NAALADL2: variants seen among roughly 807,000 people sequenced by gnomAD.
NAALADL2 encodes inactive N-acetylated-alpha-linked acidic dipeptidase-like protein 2.
In NAALADL2, 76 loss-of-function variants were observed where a neutral mutation model predicts 87.2. That is an observed-to-expected ratio of 0.87 (90% CI 0.72 to 1.05). The LOEUF (loss-of-function observed/expected upper bound fraction) is 1.05. NAALADL2 is among the 50% of genes least tolerant of loss of function. The pLI is 0.00. For missense variants in NAALADL2, 1,089 were observed against 945.8 expected (o/e 1.15, Z -1.99); for synonymous variants, 354 against 331.0 (o/e 1.07, Z -0.75).
intron 3 of NAALADL2, among the ~76,000 whole-genome samples, chr3:174,760,641 G>A (rs1257515819): frequency 6.6e-6 from 1 of 152,236 alleles, no homozygotes; most frequent in Admixed American, 6.5e-5. Context: ...CCACTGAATG[G>A]CCTCTGCTAG....
At chr3:175,644,299 G>C (rs1729687335) in intron 11 of NAALADL2, among the ~76,000 whole-genome samples, 1 of 151,888 alleles carries the variant, frequency 6.6e-6, no homozygotes, top group African/African-American at 2.4e-5. Context: ...ATGTAATCTA[G>C]TTTGCCAATA....
intron 9 of NAALADL2, among the ~76,000 whole-genome samples, chr3:175,549,850 T>C: frequency 6.6e-6 from 1 of 152,070 alleles, no homozygotes; most frequent in South Asian, 2.1e-4. Flanking sequence ...GCCTGTTAAT[T>C]GAACTGACAA....
intron 4 of NAALADL2, among the ~76,000 whole-genome samples, chr3:175,314,642 G>T: frequency 1.1e-5 from 1 of 89,084 alleles, no homozygotes; most frequent in Non-Finnish European, 2.2e-5. Flanking sequence ...TAAAATTAGC[G>T]TTTTCTAGTA....
intron 11 of NAALADL2, among the ~76,000 whole-genome samples, chr3:175,722,883 G>A (rs554272907): frequency 6.6e-6 from 1 of 152,210 alleles, no homozygotes; most frequent in East Asian, 1.9e-4. Context: ...AGACCAGTGT[G>A]CTAATTTCCT....
In NAALADL2 at chr3:175,155,581, T is replaced by C. The variant is rs574604239; in HGVS notation, c.545+58290T>C. Among the ~76,000 whole-genome samples the C allele has an allele frequency of 6.6e-5, 10 of 152,276 alleles. No homozygotes were observed. The East Asian group carries it at 1.9e-3, about 29-fold the overall frequency. On this transcript the variant is annotated intron_variant, in intron 2 of 13. Coordinates refer to ENST00000454872, the MANE Select transcript of NAALADL2 (RefSeq NM_207015.3). ...GTGAGGTTTTCTTGTCTTTTTTTTCTTATTAATGATCTTTTTCTATTTGCT... is the reference window on the plus strand; with the variant it reads ...GTGAGGTTTTCTTGTCTTTTTTTTCCTATTAATGATCTTTTTCTATTTGCT...
chr3:174,993,094 A>T (rs1746959816), intron 1 of NAALADL2, among the ~76,000 whole-genome samples: 1 of 152,058 alleles, frequency 6.6e-6, no homozygotes, highest in African/African-American at 2.4e-5. Context: ...TAGAAAAATC[A>T]ATATCTGGGG....
chr3:175,535,830 A>G (rs1734739717), intron 9 of NAALADL2, among the ~76,000 whole-genome samples: 1 of 152,218 alleles, frequency 6.6e-6, no homozygotes, highest in Admixed American at 6.5e-5. Context: ...AGGTAGCATG[A>G]TATAATAACT....
intron 2 of NAALADL2, among the ~76,000 whole-genome samples, chr3:175,215,808 T>A (rs940873738): frequency 1.1e-4 from 16 of 152,222 alleles, no homozygotes; most frequent in Admixed American, 1.3e-4. Flanking sequence ...CCTGCTTTTT[T>A]AAATATAATT....
At chr3:174,532,349 T>C (rs1188161012) in intron 1 of NAALADL2, among the ~76,000 whole-genome samples, 1 of 152,002 alleles carries the variant, frequency 6.6e-6, no homozygotes, top group Non-Finnish European at 1.5e-5. Flanking sequence ...CAAACCAAAC[T>C]CAGGCCATGA....
chr3:175,687,083 C>A (rs1164281646), intron 11 of NAALADL2, among the ~76,000 whole-genome samples: 3 of 151,950 alleles, frequency 2.0e-5, no homozygotes, highest in Admixed American at 2.0e-4. Flanking sequence ...TTGCTCTAAG[C>A]CAGAGAAAAA....
rs149158911 is a variant in NAALADL2 at position 175,649,244 on chromosome 3, G to A, written c.1896+21858G>A. 5.9e-5 allele frequency among the ~76,000 whole-genome samples: 9 copies of A among 151,964 alleles called. No homozygotes were observed. The East Asian group carries it at 1.5e-3, about 26-fold the overall frequency. ...TCATTATTCTTTATCATACAGTTTT[G>A]TGAGAGAAAAAAAGATAAAGAAAAC... On this transcript the variant is annotated intron_variant, in intron 11 of 13. Transcript: ENST00000454872.
At chr3:175,751,473 C>T (rs1746620290) in intron 12 of NAALADL2, among the ~76,000 whole-genome samples, 1 of 151,922 alleles carries the variant, frequency 6.6e-6, no homozygotes, top group Admixed American at 6.6e-5. Context: ...TTTGTAGTAA[C>T]TTGTGTTGTT....
At chr3:175,325,509 A>T (rs1418238694) in intron 5 of NAALADL2, among the ~76,000 whole-genome samples, 4 of 152,196 alleles carry the variant, frequency 2.6e-5, no homozygotes, top group Non-Finnish European at 4.4e-5. Context: ...CTCATTTGCA[A>T]ATACACTCAC....
upstream of NAALADL2, among the ~76,000 whole-genome samples, chr3:174,855,726 A>T (rs1434199784): frequency 6.6e-6 from 1 of 150,878 alleles, no homozygotes; most frequent in Non-Finnish European, 1.5e-5. Context: ...CAGGAACTTG[A>T]TGACTACTTT....
At chr3:175,793,491 A>G (rs796712504) in intron 13 of NAALADL2, among the ~76,000 whole-genome samples, 6 of 148,640 alleles carry the variant, frequency 4.0e-5, no homozygotes, top group South Asian at 2.1e-4. Context: ...TTTTTTTTGT[A>G]TATTTAGTAG....
chr3:174,709,117 C>T (rs892086694), intron 2 of NAALADL2, among the ~76,000 whole-genome samples: 1 of 151,992 alleles, frequency 6.6e-6, no homozygotes, highest in Admixed American at 6.6e-5. Flanking sequence ...TAAATATAGT[C>T]TCATTTGCCA....
chr3:175,762,081 C>G (rs1748091558), intron 13 of NAALADL2, among the ~76,000 whole-genome samples: 1 of 151,750 alleles, frequency 6.6e-6, no homozygotes, highest in Admixed American at 6.6e-5. Context: ...CAAAGTCACT[C>G]AGATTTTCTG....
intron 3 of NAALADL2, among the ~76,000 whole-genome samples, chr3:174,823,074 A>G (rs2109338290): frequency 6.6e-6 from 1 of 152,312 alleles, no homozygotes; most frequent in South Asian, 2.1e-4. Context: ...TGCATATAAA[A>G]GATTAAAGCA....
intron 11 of NAALADL2, among the ~76,000 whole-genome samples, chr3:175,689,570 G>T (rs144684305): frequency 1.6e-3 from 242 of 152,218 alleles, no homozygotes; most frequent in African/African-American, 5.5e-3. Flanking sequence ...CTATCACATG[G>T]TTATCTGGTA....
Sources: allele counts gnomAD v4.1 joint callset (sites outside exome capture counted in the v4.1 genomes callset), GRCh38; gene constraint gnomAD v4.1.1; transcripts MANE v1.5; gene names NCBI Gene and HGNC (gene_info 2026-07-23, HGNC 2026-07-21).